INTS1: variants seen among roughly 807,000 people sequenced by gnomAD.
INTS1 encodes integrator complex subunit 1.
In INTS1, 137 loss-of-function variants were observed where a neutral mutation model predicts 241.6. The observed-to-expected ratio is 0.57, with a 90% CI of 0.49 to 0.65. INTS1 has a LOEUF of 0.65. INTS1 is among the 30% of genes least tolerant of loss of function. The probability of loss-of-function intolerance (pLI) is 0.00; values close to 1 mark genes in which losing one functional copy is unlikely to be tolerated. For synonymous variants in INTS1, 1,692 were observed against 1,337.8 expected (o/e 1.26, Z -5.78); for missense variants, 3,073 against 3,032.2 (o/e 1.01, Z -0.32).
chr7:1,482,633 C>A lies in INTS1; in HGVS notation c.3616G>T (p.Val1206Leu). The change falls in exon 27 of 48, where the codon GTG becomes TTG. Residue 1206 changes from valine to leucine, a missense_variant. Val to Leu is a conservative substitution (Grantham distance 32, BLOSUM62 1). Transcript: ENST00000404767. ...EEKPLPTAFL[V>L]DTSEEALLLP... The stretch of plus-strand genomic sequence containing the variant: ...AGCAGCGCCTCCTCCGATGTGTCCA[C>A]CAGGAAGGCGGTGGGCAGTGGCTTC... The A allele has an allele frequency of 6.2e-7, 1 of 1,612,872 alleles. No homozygotes were observed. Among genetic ancestry groups the A allele is most frequent in the Non-Finnish European group, 8.5e-7 (1 of 1,179,874 alleles).
intron 3 of INTS1, chr7:1,500,961 C>A (rs1395452341): frequency 6.6e-6 from 1 of 152,356 alleles, no homozygotes; most frequent in Non-Finnish European, 1.5e-5. Flanking sequence ...TCTTCTCTGT[C>A]CCAACAGTTT....
intron 16 of INTS1, 39 bp from the exon 17 acceptor site, chr7:1,489,721 C>G: frequency 7.2e-7 from 1 of 1,388,036 alleles, no homozygotes; most frequent in Non-Finnish European, 9.7e-7. Flanking sequence ...CCCAGCGCAC[C>G]AAGCTCAGCG....
At chr7:1,496,083 C>T (rs1782836753) in intron 12 of INTS1, 73 bp downstream of exon 12, 17 of 1,225,084 alleles carry the variant, frequency 1.4e-5, no homozygotes, top group Middle Eastern at 1.9e-4. Context: ...AGTGCAGCCT[C>T]GGAGAGCCGC....
In INTS1 at chr7:1,503,052, G is replaced by C. The variant is rs757313715; in HGVS notation, c.198C>G (p.Ser66=). ...TGAGACCGGTGAGGGCCGAGGCACT[G>C]GACAACGCGGCCGCCGCATCCCGCT... ...ERKRDAAAAL[S]SASALTGLTK... is the part of the protein sequence containing the mutation. The change falls in exon 3 of 48, where the codon TCC becomes TCG. Residue 66 remains serine, a synonymous_variant. Coordinates refer to ENST00000404767, the MANE Select transcript of INTS1 (RefSeq NM_001080453.3). The C allele has an allele frequency of 6.2e-7, 1 of 1,613,396 alleles. No homozygotes were observed. Among genetic ancestry groups the C allele is most frequent in the Admixed American group, 1.7e-5 (1 of 60,004 alleles).
Position 1,498,856 on chromosome 7 carries a change from C to A in INTS1, c.1138-4G>T, listed in dbSNP as rs200181300. 2.5e-6 allele frequency: 4 copies of A among 1,598,712 alleles called. No individual in the cohort carries two copies. The East Asian group carries it at 9.0e-5, about 36-fold the overall frequency. On this transcript the variant is annotated splice_region_variant and splice_polypyrimidine_tract_variant and intron_variant, in intron 8 of 47. Transcript: ENST00000404767. Reference sequence around the variant, plus strand: ...GGTCCTGGGCCGGCCGGGTCAGCTGCGGGGCCGAGGAGGGAGCAGTGGGCT... The same window carrying A: ...GGTCCTGGGCCGGCCGGGTCAGCTGAGGGGCCGAGGAGGGAGCAGTGGGCT...
Position 1,476,005 on chromosome 7 carries a change from C to T in INTS1, c.5445G>A (p.Val1815=). 1 of 1,545,764 alleles carries T rather than the reference C, an allele frequency of 6.5e-7. No individual in the cohort carries two copies. Residue 1815 remains valine (V), a synonymous_variant, in exon 39 of 48, where the codon GTG becomes GTA. Coordinates refer to ENST00000404767, the MANE Select transcript of INTS1 (RefSeq NM_001080453.3). The stretch of plus-strand genomic sequence containing the variant: ...TGTGCAGTAGGACCTCAGGCACGGG[C>T]ACCCGCAGCTCCGGCCGCTGTAGGT... ...QLYLQRPELR[V]PVPEVLLHSE...
At chr7:1,472,417 C>T (rs1454731561) in intron 43 of INTS1, 31 bp from the exon 44 acceptor site, 7 of 1,466,514 alleles carry the variant, frequency 4.8e-6, no homozygotes, top group African/African-American at 4.2e-5. Flanking sequence ...TGCAGGAGGG[C>T]GGGAGCGGCA....
At chr7:1,472,490 C>A in intron 43 of INTS1, 104 bp from the exon 44 acceptor site, 3 of 765,972 alleles carry the variant, frequency 3.9e-6, no homozygotes, top group African/African-American at 1.8e-5. Context: ...ACTGCCCAGG[C>A]TCCCAAGGTG....
intron 38 of INTS1, 60 bp from the exon 39 acceptor site, chr7:1,476,131 G>A (rs1781705615): frequency 1.7e-5 from 26 of 1,526,392 alleles, no homozygotes; most frequent in Non-Finnish European, 2.1e-5. Context: ...GGGGTGGGTG[G>A]ACGGGACCAG....
At position 1,493,646 on chromosome 7, in the gene INTS1, G is replaced by T; in HGVS notation, c.2068+108C>A. 7.1e-7 allele frequency: 1 copy of T among 1,398,638 alleles called. No homozygotes were observed. The highest frequency in any genetic ancestry group is 9.4e-7 in the Non-Finnish European group (1 of 1,059,806). 86.6% of individuals were successfully genotyped at this position (1,398,638 alleles called of 1,614,324 possible). A position where few individuals can be genotyped will look rare whatever the true frequency, so the allele number is the denominator to read the frequency against. On this transcript the variant is annotated intron_variant, in intron 15 of 47. Transcript: ENST00000404767. The surrounding 1 kb of genome is among the most constrained non-coding windows in gnomAD (Gnocchi z 5.3). ...CCTCCCGGGGACCCAGGACCCAGCT[G>T]AAGCGCAGCTTTGTGGAGCGCCCCA... is the stretch of plus-strand genomic sequence containing the variant.
Position 1,481,361 on chromosome 7 carries a change from C to T in INTS1, c.3831G>A (p.Glu1277=), listed in dbSNP as rs764504660. The T allele has an allele frequency of 1.2e-6, 2 of 1,612,966 alleles. No individual in the cohort carries two copies. The highest frequency in any genetic ancestry group is 2.2e-5 in the East Asian group (1 of 44,878). The change falls in exon 28 of 48, where the codon GAG becomes GAA. Residue 1277 remains glutamate (E), a synonymous_variant. Transcript: ENST00000404767. The surrounding 1 kb of genome is among the most constrained non-coding windows in gnomAD (Gnocchi z 6.8). Reference sequence around the variant, plus strand: ...TCTTACTCTTGTCCATGATGTTCTGCTCCAGAGTCTGGGGGTCGTGGGCCA... The same window carrying T: ...TCTTACTCTTGTCCATGATGTTCTGTTCCAGAGTCTGGGGGTCGTGGGCCA... ...QAVAHDPQTL[E]QNIMDKNYMA... is the part of the protein sequence containing the mutation.
In INTS1 at chr7:1,473,665, G is replaced by C; in HGVS notation, c.5858C>G (p.Ala1953Gly). 1.2e-6 allele frequency: 2 copies of C among 1,613,386 alleles called. No individual in the cohort carries two copies. Among genetic ancestry groups the C allele is most frequent in the Non-Finnish European group, 1.7e-6 (2 of 1,179,780 alleles). Residue 1953 changes from alanine to glycine, a missense_variant, in exon 42 of 48, where the codon GCT (alanine) becomes GGT (glycine). Ala to Gly is a moderately conservative substitution (Grantham distance 60, BLOSUM62 0). Coordinates refer to ENST00000404767, the MANE Select transcript of INTS1 (RefSeq NM_001080453.3). Reference protein sequence around the residue: ...LNYRKSSRHLAAFINKFVQFI... With the variant: ...LNYRKSSRHLGAFINKFVQFI... ...CTGCACAAACTTGTTGATGAAGGCA[G>C]CCAGATGGCGGGAGGACTTCCTGTA...
intron 43 of INTS1, among the ~76,000 whole-genome samples, chr7:1,472,637 C>A (rs555261876): frequency 6.6e-6 from 1 of 152,158 alleles, no homozygotes; most frequent in Non-Finnish European, 1.5e-5. Flanking sequence ...GGGCACAAGA[C>A]GGGATGGCCC....
In INTS1 at chr7:1,487,531, C is replaced by T. The variant is rs558431930; in HGVS notation, c.2517-82G>A. ...ACCCCTCCTCCTCCCATCCCTGCTT[C>T]GAGGGGCAGCCGACAGCCCGAGACG... On this transcript the variant is annotated intron_variant, in intron 19 of 47. Coordinates refer to ENST00000404767, the MANE Select transcript of INTS1 (RefSeq NM_001080453.3). The T allele has an allele frequency of 7.3e-5, 110 of 1,496,814 alleles. 1 individual carries two copies. The African/African-American group carries it at 9.5e-4, about 13-fold the overall frequency. 92.7% of individuals were successfully genotyped at this position (1,496,814 alleles called of 1,614,324 possible).
chr7:1,478,640 C>A, intron 32 of INTS1, 86 bp downstream of exon 32: 1 of 1,487,358 alleles, frequency 6.7e-7, no homozygotes, highest in Non-Finnish European at 9.0e-7. Context: ...ACTGCCCAGG[C>A]CTCGGGGTGC....
At position 1,496,262 on chromosome 7, in the gene INTS1, C is replaced by T. The variant is rs551894399; in HGVS notation, c.1605G>A (p.Glu535=). The T allele has an allele frequency of 1.2e-6, 2 of 1,613,604 alleles. No individual in the cohort carries two copies. The highest frequency in any genetic ancestry group is 1.7e-5 in the Admixed American group (1 of 60,014). The change falls in exon 12 of 48, where the codon GAG becomes GAA. Residue 535 remains glutamate, a splice_region_variant and synonymous_variant. Transcript: ENST00000404767. ...CGTCGGTGATGTGCACCACGAAGCG[C>T]TCCTGCAGGTGCAGCACGGGGTCTG... ...EPQYLEMEFK[E]RFVVHITDVL...
chr7:1,489,684 TG>T lies in INTS1; in HGVS notation c.2166-3del, dbSNP rs778461504. The T allele has an allele frequency of 1.3e-6, 2 of 1,532,754 alleles. No individual in the cohort carries two copies. The highest frequency in any genetic ancestry group is 1.8e-6 in the Non-Finnish European group (2 of 1,137,994). The allele number at this position is 1,532,754 out of a possible 1,614,324, so 94.9% of individuals were successfully genotyped here. ...ATGGCGAGGTTCGGAGGCTGGTACC[TG>T]GAAGGCAGGGGCGCCCCGACTCAGG... On this transcript the variant is annotated splice_polypyrimidine_tract_variant and splice_region_variant and intron_variant, in intron 16 of 47. Coordinates refer to ENST00000404767, the MANE Select transcript of INTS1 (RefSeq NM_001080453.3).
rs1241524513 is a variant in INTS1, at chr7:1,489,430, G to GGCCAGGCTCCCCTGGGC, written c.2258-43_2258-27dup. On this transcript the variant is annotated intron_variant, in intron 17 of 47. Coordinates refer to ENST00000404767, the MANE Select transcript of INTS1 (RefSeq NM_001080453.3). ...CTAGGGAACCGGAGGGTGTGGGGCTGGCCAGGCTCCCCTGGGCACCAGGCG... is the reference window on the plus strand; with the variant it reads ...CTAGGGAACCGGAGGGTGTGGGGCTGGCCAGGCTCCCCTGGGCGCCAGGCTCCCCTGGGCACCAGGCG... 7 of 1,050,878 alleles carry GGCCAGGCTCCCCTGGGC rather than the reference G, an allele frequency of 6.7e-6. No individual in the cohort carries two copies. In the African/African-American group the frequency reaches 1.9e-4, roughly 29 times the overall value. 65.1% of individuals were successfully genotyped at this position (1,050,878 alleles called of 1,614,324 possible).
At chr7:1,480,245 C>A in intron 30 of INTS1, 72 bp downstream of exon 30, 1 of 1,506,524 alleles carries the variant, frequency 6.6e-7, no homozygotes, top group South Asian at 1.3e-5. Flanking sequence ...GCTGTGCGTG[C>A]GAGGCGGCAG....
Sources: gnomAD v4.1 joint callset for allele counts (sites outside exome capture counted in the v4.1 genomes callset) on GRCh38, gnomAD v4.1.1 for gene constraint, Gnocchi (gnomAD v3.1) non-coding constraint, MANE v1.5 for transcripts, NCBI Gene and HGNC (gene_info 2026-07-23, HGNC 2026-07-21) for gene names.